MECR: variants seen among roughly 807,000 people sequenced by gnomAD.
MECR encodes the protein mitochondrial trans-2-enoyl-CoA reductase, also known as enoyl-[acyl-carrier-protein] reductase, mitochondrial.
In MECR, 37 loss-of-function variants were observed where a neutral mutation model predicts 49.1. The ratio of observed to expected loss-of-function variants is 0.75; its 90% CI spans 0.58 to 0.99. The LOEUF (loss-of-function observed/expected upper bound fraction) is 0.99, where lower values mean the gene tolerates loss of function less well. Among genes scored for constraint, MECR ranks in the 50% least tolerant of loss-of-function variants. MECR has a pLI of 0.00. For missense variants in MECR, 470 were observed against 479.6 expected (o/e 0.98, Z 0.19); for synonymous variants, 198 against 191.1 (o/e 1.04, Z -0.30).
At chr1:29,176,342 T>C in the MECR span, among the ~76,000 whole-genome samples, 1 of 152,130 alleles carries the variant, frequency 6.6e-6, no homozygotes, top group Non-Finnish European at 1.5e-5. Flanking sequence ...TGTCACTCAT[T>C]AGTTATAGCA....
At chr1:29,221,014 A>AGG (rs1680632848) in intron 1 of MECR, 15 of 628,548 alleles carry the variant, frequency 2.4e-5, no homozygotes, top group Non-Finnish European at 3.0e-5. Flanking sequence ...GGACAGTCGA[A>AGG]GTATCAGATA....
chr1:29,221,017 A>T (rs1680634379), intron 1 of MECR: 13 of 603,738 alleles, frequency 2.2e-5, no homozygotes, highest in Non-Finnish European at 2.7e-5. Flanking sequence ...CAGTCGAAGT[A>T]TCAGATACTG....
the MECR span, chr1:29,172,575 A>T: frequency 1.3e-5 from 2 of 152,212 alleles, no homozygotes; most frequent in Non-Finnish European, 2.9e-5. Flanking sequence ...TACAGACGTG[A>T]GCCACCACGC....
chr1:29,180,305 C>T, the MECR span, among the ~76,000 whole-genome samples: 1 of 152,142 alleles, frequency 6.6e-6, no homozygotes, highest in South Asian at 2.1e-4. Context: ...AACGTCTACC[C>T]GCCACTTCAA....
In MECR at chr1:29,203,175, G is replaced by C. The variant is rs139257940; in HGVS notation, c.609C>G (p.Ile203Met). ...TGGTTCTTAGGCCCAGGGCTGCGGCGATCTGGATGACTGCTTGCCCCACTC... is the reference window on the plus strand; with the variant it reads ...TGGTTCTTAGGCCCAGGGCTGCGGCCATCTGGATGACTGCTTGCCCCACTC... Reference protein sequence around the residue: ...NSGVGQAVIQIAAALGLRTIN... With the variant: ...NSGVGQAVIQMAAALGLRTIN... Residue 203 changes from isoleucine (I) to methionine (M), a missense_variant, in exon 5 of 10, where the codon ATC (isoleucine) becomes ATG (methionine). Ile to Met is a conservative substitution (Grantham distance 10). Transcript: ENST00000263702. 6.2e-5 allele frequency: 99 copies of C among 1,586,446 alleles called. No homozygotes were observed. The highest frequency in any genetic ancestry group is 7.9e-5 in the Non-Finnish European group (92 of 1,162,790).
chr1:29,207,997 G>GTT (rs879576692), intron 3 of MECR, among the ~76,000 whole-genome samples: 2 of 145,658 alleles, frequency 1.4e-5, no homozygotes, highest in Non-Finnish European at 3.0e-5. Flanking sequence ...TGACTCACAT[G>GTT]TTTTTTTTTT....
At chr1:29,177,359 G>A in the MECR span, among the ~76,000 whole-genome samples, 8 of 149,170 alleles carry the variant, frequency 5.4e-5, no homozygotes, top group Admixed American at 3.4e-4. Flanking sequence ...TCGGCTCACC[G>A]CAACCTATGC....
Position 29,216,139 on chromosome 1 carries a change from G to A in MECR, c.275-3C>T, listed in dbSNP as rs914484197. 1.9e-5 allele frequency: 30 copies of A among 1,613,540 alleles called. No homozygotes were observed. The highest frequency in any genetic ancestry group is 2.4e-5 in the Non-Finnish European group (28 of 1,179,708). ...TTCAGGAAGGAATCCGTAGTTTCCT[G>A]AGGGAGAAGAGCATTAAAGGGTCAA... On this transcript the variant is annotated splice_polypyrimidine_tract_variant and splice_region_variant and intron_variant, in intron 2 of 9. Coordinates refer to ENST00000263702, the MANE Select transcript of MECR (RefSeq NM_016011.5).
At chr1:29,214,290 A>G (rs1051285526) in intron 3 of MECR, among the ~76,000 whole-genome samples, 8 of 150,556 alleles carry the variant, frequency 5.3e-5, no homozygotes, top group African/African-American at 2.0e-4. Context: ...CAAACTCCTG[A>G]CCTCAGGTGA....
chr1:29,172,555 G>A, the MECR span: 1 of 152,254 alleles, frequency 6.6e-6, no homozygotes, highest in Non-Finnish European at 1.5e-5. Flanking sequence ...GCCTCCTAAA[G>A]TGCTGGAATT....
At position 29,200,836 on chromosome 1, in the gene MECR, T is replaced by C. The variant is rs183051363; in HGVS notation, c.757-247A>G. ...CAGGGTCTCGCTCTGTTACCCAGGC[T>C]GGAGTGCAGTGGTGCAATCATGGCT... On this transcript the variant is annotated intron_variant, in intron 6 of 9. Transcript: ENST00000263702. Among the ~76,000 whole-genome samples, 747 of 152,312 alleles carry C rather than the reference T, an allele frequency of 4.9e-3. 7 individuals carry two copies. Among genetic ancestry groups the C allele is most frequent in the African/African-American group, 0.017 (700 of 41,562 alleles).
chr1:29,188,840 A>T (rs941074826), downstream of MECR, among the ~76,000 whole-genome samples: 2 of 151,812 alleles, frequency 1.3e-5, no homozygotes, highest in African/African-American at 4.8e-5. Context: ...GGGTTTCACC[A>T]TGTTGGCCAG....
At chr1:29,182,389 CT>C in the MECR span, among the ~76,000 whole-genome samples, 3 of 152,206 alleles carry the variant, frequency 2.0e-5, no homozygotes, top group South Asian at 4.1e-4. Context: ...ACATAAAGCA[CT>C]TAGTAGTTTT....
chr1:29,199,521 C>T (rs1674821660), intron 7 of MECR, among the ~76,000 whole-genome samples: 1 of 152,188 alleles, frequency 6.6e-6, no homozygotes, highest in Non-Finnish European at 1.5e-5. Context: ...GCCACTGCGC[C>T]CGGCCTAGAA....
At chr1:29,197,005 CACAAA>C (rs564065904) in intron 7 of MECR, among the ~76,000 whole-genome samples, 37 of 152,242 alleles carry the variant, frequency 2.4e-4, no homozygotes, top group African/African-American at 8.4e-4. Context: ...ACCATCTCAA[CACAAA>C]ACAAAACAAC....
At chr1:29,221,740 G>A (rs906411962) in intron 1 of MECR, among the ~76,000 whole-genome samples, 1 of 152,162 alleles carries the variant, frequency 6.6e-6, no homozygotes, top group African/African-American at 2.4e-5. Flanking sequence ...GAGTGCTCAG[G>A]GCTAGACATA....
the MECR span, among the ~76,000 whole-genome samples, chr1:29,181,052 G>A: frequency 6.6e-6 from 1 of 152,166 alleles, no homozygotes; most frequent in South Asian, 2.1e-4. Context: ...CAGAGGGAAC[G>A]GTGAAGGCTT....
chr1:29,227,658 A>C (rs1365398967), intron 1 of MECR, among the ~76,000 whole-genome samples: 2 of 152,078 alleles, frequency 1.3e-5, no homozygotes, highest in African/African-American at 2.4e-5. Flanking sequence ...CACAAACCAC[A>C]CTAGTTCTGA....
At chr1:29,230,094 C>A (rs1218029082) in intron 1 of MECR, among the ~76,000 whole-genome samples, 1 of 152,118 alleles carries the variant, frequency 6.6e-6, no homozygotes, top group Admixed American at 6.6e-5. Flanking sequence ...GATGCATATA[C>A]GGTGCAGTGG....
Sources: gnomAD v4.1 joint callset for allele counts (sites outside exome capture counted in the v4.1 genomes callset) on GRCh38, gnomAD v4.1.1 for gene constraint, MANE v1.5 for transcripts, NCBI Gene and HGNC (gene_info 2026-07-23, HGNC 2026-07-21) for gene names.